Variants in ATXN7L1 observed in about 807,000 individuals in gnomAD.
ATXN7L1 encodes the protein ataxin 7 like 1.
In ATXN7L1, 15 loss-of-function variants were observed where a neutral mutation model predicts 70.8. That is an observed-to-expected ratio of 0.21 (90% CI 0.14 to 0.33). The LOEUF is 0.33. Ranked by LOEUF, ATXN7L1 falls within the 10% of genes least tolerant of loss-of-function variation. The probability of loss-of-function intolerance (pLI) is 1.00; values close to 1 mark genes in which losing one functional copy is unlikely to be tolerated. For missense variants in ATXN7L1, 975 were observed against 1,097.1 expected, an observed-to-expected ratio of 0.89 and a Z score of 1.57; for synonymous variants, 440 against 445.1, an observed-to-expected ratio of 0.99 and a Z score of 0.14.
intron 4 of ATXN7L1, among the ~76,000 whole-genome samples, chr7:105,657,702 C>CAAAAAAAAA (rs71155465): frequency 1.3e-3 from 33 of 26,060 alleles, no homozygotes; most frequent in African/African-American, 1.5e-3. Flanking sequence ...GACCCTGTCT[C>CAAAAAAAAA]AAAAAAAAAA....
Position 105,643,569 on chromosome 7 carries a change from C to T in ATXN7L1, c.579-448G>A, listed in dbSNP as rs148347712. On this transcript the variant is annotated intron_variant, in intron 4 of 11. Coordinates refer to ENST00000419735, the MANE Select transcript of ATXN7L1 (RefSeq NM_020725.2). ...GCTAGTCCCCCAGCCCGGCCCGGAT[C>T]GGGCCTGACATCTGCTTAGCTCCGG... Among the ~76,000 whole-genome samples, 536 of 152,344 alleles carry T rather than the reference C, an allele frequency of 3.5e-3. 3 individuals carry two copies. Among genetic ancestry groups the T allele is most frequent in the African/African-American group, 0.012 (505 of 41,592 alleles).
Position 105,766,854 on chromosome 7 carries a change from G to A in ATXN7L1, c.355+21750C>T, listed in dbSNP as rs542239158. Among the ~76,000 whole-genome samples the A allele has an allele frequency of 1.1e-4, 16 of 152,358 alleles. No individual in the cohort carries two copies. The South Asian group carries it at 3.1e-3, about 30-fold the overall frequency. ...GGGGGAACCAGCTTCCGTGCCAGGA[G>A]CCATCACTTCATCCCAGTCTAAGGC... On this transcript the variant is annotated intron_variant, in intron 3 of 11. Transcript: ENST00000419735.
At chr7:105,687,661 C>T (rs1790119283) in intron 3 of ATXN7L1, among the ~76,000 whole-genome samples, 1 of 152,166 alleles carries the variant, frequency 6.6e-6, no homozygotes, top group Non-Finnish European at 1.5e-5. Flanking sequence ...TATGACAGCC[C>T]TATCATACCA....
chr7:105,737,069 A>T (rs1468134237), intron 3 of ATXN7L1, among the ~76,000 whole-genome samples: 1 of 152,218 alleles, frequency 6.6e-6, no homozygotes, highest in African/African-American at 2.4e-5. Context: ...GAGGACTTTT[A>T]AAAAAGGGAA....
chr7:105,700,508 CAAAAA>C (rs1186998293), intron 3 of ATXN7L1, among the ~76,000 whole-genome samples: 3 of 49,806 alleles, frequency 6.0e-5, no homozygotes, highest in African/African-American at 1.8e-4. Flanking sequence ...GACTCTGTCT[CAAAAA>C]AAAAAAAAAA....
chr7:105,618,775 G>GGGGGAT (rs908785863), intron 9 of ATXN7L1, among the ~76,000 whole-genome samples: 2 of 152,170 alleles, frequency 1.3e-5, no homozygotes, highest in African/African-American at 4.8e-5. Flanking sequence ...TTGTAGGAGT[G>GGGGGAT]GGGGATGGGG....
chr7:105,856,478 C>T (rs1815742644), intron 2 of ATXN7L1, among the ~76,000 whole-genome samples: 2 of 149,676 alleles, frequency 1.3e-5, no homozygotes, highest in South Asian at 4.2e-4. Flanking sequence ...TCCAGATACT[C>T]GGGAGGCTGA....
At chr7:105,778,510 C>CAAAAAAAAAAAAAAAAAAA (rs745820046) in intron 3 of ATXN7L1, among the ~76,000 whole-genome samples, 1 of 34,162 alleles carries the variant, frequency 2.9e-5, no homozygotes, top group African/African-American at 1.2e-4. Context: ...GACCCTATCT[C>CAAAAAAAAAAAAAAAAAAA]AAAAAAAAAA....
At chr7:105,700,471 T>C (rs1260917075) in intron 3 of ATXN7L1, among the ~76,000 whole-genome samples, 1 of 62,650 alleles carries the variant, frequency 1.6e-5, no homozygotes, top group Admixed American at 2.1e-4. Flanking sequence ...TGCACCACCA[T>C]GCACTCCAGC....
chr7:105,842,467 T>C (rs1489648288), intron 2 of ATXN7L1, among the ~76,000 whole-genome samples: 1 of 152,244 alleles, frequency 6.6e-6, no homozygotes, highest in African/African-American at 2.4e-5. Context: ...TCATCCAATA[T>C]ATGGTCCTTT....
intron 10 of ATXN7L1, among the ~76,000 whole-genome samples, chr7:105,612,997 A>T (rs1262605705): frequency 6.6e-6 from 1 of 151,940 alleles, no homozygotes; most frequent in South Asian, 2.1e-4. Flanking sequence ...CTCTCGTCAG[A>T]CCTGGCTCCC....
intron 2 of ATXN7L1, among the ~76,000 whole-genome samples, chr7:105,854,948 T>C (rs1476273756): frequency 7.2e-6 from 1 of 139,114 alleles, no homozygotes; most frequent in Non-Finnish European, 1.5e-5. Context: ...CTTTCTCTTT[T>C]CTTCTTCTTC....
intron 3 of ATXN7L1, among the ~76,000 whole-genome samples, chr7:105,730,505 A>G (rs934110489): frequency 6.6e-6 from 1 of 152,008 alleles, no homozygotes; most frequent in African/African-American, 2.4e-5. Flanking sequence ...GGCCGAGGCA[A>G]GTGGATCACA....
chr7:105,783,917 G>C (rs1803894922), intron 3 of ATXN7L1, among the ~76,000 whole-genome samples: 1 of 152,138 alleles, frequency 6.6e-6, no homozygotes, highest in Non-Finnish European at 1.5e-5. Context: ...TTGTGGGACT[G>C]AGCCTTTAAC....
intron 2 of ATXN7L1, among the ~76,000 whole-genome samples, chr7:105,817,933 A>G (rs1452797028): frequency 6.6e-6 from 1 of 152,160 alleles, no homozygotes; most frequent in Non-Finnish European, 1.5e-5. Flanking sequence ...TCAATAAATA[A>G]ATGTTGAATT....
chr7:105,815,065 T>A (rs1459804874), intron 2 of ATXN7L1, among the ~76,000 whole-genome samples: 3 of 152,322 alleles, frequency 2.0e-5, no homozygotes, highest in Admixed American at 2.0e-4. Context: ...TATTCCTCTA[T>A]CCCCATGTCA....
rs11357544 is a variant in ATXN7L1 at position 105,639,272 on chromosome 7, GTT to G, written c.945+213_945+214del. On this transcript the variant is annotated intron_variant, in intron 6 of 11. Transcript: ENST00000419735. ...CCTCACAAGTAACAGGGGAAGCCTA[GTT>G]TTTTTTTTTTTTTTTTTCTCCTTCT... 7.5e-3 allele frequency among the ~76,000 whole-genome samples: 964 copies of G among 128,050 alleles called. 15 individuals are homozygous for G. Among genetic ancestry groups the G allele is most frequent in the South Asian group, 0.059 (241 of 4,100 alleles). The allele number at this position is 128,050 out of a possible 152,430, so 84.0% of individuals were successfully genotyped here.
At chr7:105,678,098 T>TC (rs1804987465) in intron 3 of ATXN7L1, 1 of 815,614 alleles carries the variant, frequency 1.2e-6, no homozygotes, top group South Asian at 5.6e-5. Flanking sequence ...CATACTTTTT[T>TC]TTTTTTTTTT....
chr7:105,611,103 C>T (rs965653440), intron 10 of ATXN7L1, among the ~76,000 whole-genome samples: 7 of 152,238 alleles, frequency 4.6e-5, no homozygotes, highest in South Asian at 4.1e-4. Flanking sequence ...GTAACGCACA[C>T]GCAACTGTTC....
Sources: allele counts gnomAD v4.1 joint callset (sites outside exome capture counted in the v4.1 genomes callset), GRCh38; gene constraint gnomAD v4.1.1; transcripts MANE v1.5; gene names NCBI Gene and HGNC (gene_info 2026-07-23, HGNC 2026-07-21).